Variants in PDZD2 observed in about 807,000 individuals in gnomAD.
The protein encoded by PDZD2 is PDZ domain containing 2.
In PDZD2, 90 loss-of-function variants were observed where a neutral mutation model predicts 220.7. That is an observed-to-expected ratio of 0.41 (90% confidence interval 0.34 to 0.49). PDZD2 has a LOEUF of 0.49. PDZD2 is among the 20% of genes least tolerant of loss of function. PDZD2 has a pLI of 0.28. For missense variants in PDZD2, 3,174 were observed against 3,608.5 expected, an observed-to-expected ratio of 0.88 and a Z score of 3.08; for synonymous variants, 1,375 against 1,450.5, an observed-to-expected ratio of 0.95 and a Z score of 1.18.
intron 1 of PDZD2, among the ~76,000 whole-genome samples, chr5:31,797,185 C>T (rs941257388): frequency 2.7e-5 from 4 of 148,492 alleles, no homozygotes; most frequent in Non-Finnish European, 5.9e-5. Context: ...CCTTGTGATC[C>T]GCCCGCCTCG....
intron 1 of PDZD2, among the ~76,000 whole-genome samples, chr5:31,744,823 C>G (rs541722903): frequency 6.6e-6 from 1 of 152,294 alleles, no homozygotes; most frequent in South Asian, 2.1e-4. Flanking sequence ...GTAATCCTAG[C>G]ACTTTGGGAA....
chr5:32,069,610 T>C lies in PDZD2; in HGVS notation c.2493T>C (p.Thr831=). ...TGGATGAAGTCATAGCACGCAGCACTTATCAGGAGAGCAAAGAGGCCAATT... is the reference window on the plus strand; with the variant it reads ...TGGATGAAGTCATAGCACGCAGCACCTATCAGGAGAGCAAAGAGGCCAATT... ...QEMDEVIARS[T]YQESKEANSS... Residue 831 remains threonine (T), a synonymous_variant, in exon 15 of 25, where the codon ACT becomes ACC. Coordinates refer to ENST00000438447, the MANE Select transcript of PDZD2 (RefSeq NM_178140.4). 1 of 1,600,256 alleles carries C rather than the reference T, an allele frequency of 6.2e-7. No homozygotes were observed. Among genetic ancestry groups the C allele is most frequent in the Non-Finnish European group, 8.6e-7 (1 of 1,167,244 alleles).
Position 31,756,243 on chromosome 5 carries a change from C to T in PDZD2, c.-360-42646C>T, listed in dbSNP as rs546155060. Among the ~76,000 whole-genome samples the T allele has an allele frequency of 8.5e-5, 13 of 152,242 alleles. No homozygotes were observed. The South Asian group carries it at 2.3e-3, about 27-fold the overall frequency. ...TCTAACATAAGAGATGCTTGAGATG[C>T]GGCCTGGAGTGAAGGTGGCTTAGAA... On this transcript the variant is annotated intron_variant, in intron 1 of 24. Transcript: ENST00000438447.
At chr5:31,811,742 C>T (rs569473405) in intron 2 of PDZD2, among the ~76,000 whole-genome samples, 1 of 152,216 alleles carries the variant, frequency 6.6e-6, no homozygotes, top group South Asian at 2.1e-4. Flanking sequence ...GTAATCTCAG[C>T]ACTTTTGGAG....
intron 2 of PDZD2, chr5:31,908,930 C>T (rs780013599): frequency 6.0e-4 from 207 of 345,476 alleles, no homozygotes; most frequent in Middle Eastern, 9.5e-4. Flanking sequence ...ACCTGTAATC[C>T]CAGCTACTTG....
chr5:32,088,591 G>A lies in PDZD2; in HGVS notation c.5143G>A (p.Ala1715Thr). 1 of 1,614,194 alleles carries A rather than the reference G, an allele frequency of 6.2e-7. No individual in the cohort carries two copies. Among genetic ancestry groups the A allele is most frequent in the Non-Finnish European group, 8.5e-7 (1 of 1,180,030 alleles). The change falls in exon 20 of 25, where the codon GCC (alanine) becomes ACC (threonine). Residue 1715 changes from alanine (A) to threonine (T), a missense_variant. By Grantham distance (58) the Ala-to-Thr change is moderately conservative. Around this residue, in one of 4 missense-constraint regions of PDZD2, gnomAD observed 1,861 missense variants for 2,001.0 expected, o/e 0.93. Transcript: ENST00000438447. The surrounding 1 kb of genome is among the most constrained non-coding windows in gnomAD (Gnocchi z 4.6). ...GGAAAACAGTCCGCTGTCTAAAGTA[G>A]CCAGGCATTTTCACAGTCCGCCCAT... ...AMENSPLSKV[A>T]RHFHSPPIIL... is the part of the protein sequence containing the mutation.
intron 6 of PDZD2, among the ~76,000 whole-genome samples, chr5:32,036,140 T>C (rs1204297671): frequency 6.6e-6 from 1 of 152,176 alleles, no homozygotes; most frequent in Non-Finnish European, 1.5e-5. Context: ...TTTGTATTTT[T>C]AGTAGAGACG....
intron 7 of PDZD2, among the ~76,000 whole-genome samples, chr5:32,039,905 G>A (rs1274094534): frequency 9.5e-4 from 93 of 98,062 alleles, no homozygotes; most frequent in African/African-American, 2.6e-3. Flanking sequence ...TCTGCCCGGC[G>A]GCCCCATCTG....
chr5:31,838,264 G>A (rs1490548475), intron 2 of PDZD2, among the ~76,000 whole-genome samples: 2 of 152,078 alleles, frequency 1.3e-5, no homozygotes, highest in African/African-American at 4.8e-5. Context: ...TGCCCTGTTG[G>A]CCAGGCTGGT....
chr5:31,702,465 C>T (rs1747647514), intron 1 of PDZD2, among the ~76,000 whole-genome samples: 1 of 152,180 alleles, frequency 6.6e-6, no homozygotes, highest in Non-Finnish European at 1.5e-5. Context: ...ATACAGTTCC[C>T]AAGGACATGC....
chr5:31,996,986 G>A (rs1372157354), intron 4 of PDZD2, among the ~76,000 whole-genome samples: 2 of 152,242 alleles, frequency 1.3e-5, no homozygotes, highest in Non-Finnish European at 2.9e-5. Flanking sequence ...TTTATTTTGA[G>A]TAAGAAGGAT....
intron 6 of PDZD2, among the ~76,000 whole-genome samples, chr5:32,015,793 G>A (rs958793740): frequency 6.9e-6 from 1 of 145,816 alleles, no homozygotes; most frequent in African/African-American, 2.6e-5. Flanking sequence ...GTATAATAGG[G>A]TGTGAAATGG....
rs376487942 is a variant in PDZD2 at position 31,878,593 on chromosome 5, G to C, written c.476+78869G>C. 3.2e-3 allele frequency among the ~76,000 whole-genome samples: 228 copies of C among 70,772 alleles called. 1 individual carries two copies. The highest frequency in any genetic ancestry group is 9.9e-3 in the African/African-American group (221 of 22,216). The allele number at this position is 70,772 out of a possible 152,430, so 46.4% of individuals were successfully genotyped here. Reference sequence around the variant, plus strand: ...TTTTTTTTTTTTGAGACGGAGTCTCGCTGTCGCCCAGGCTGGAGTGCAGTG... The same window carrying C: ...TTTTTTTTTTTTGAGACGGAGTCTCCCTGTCGCCCAGGCTGGAGTGCAGTG... On this transcript the variant is annotated intron_variant, in intron 2 of 24. Transcript: ENST00000438447.
At chr5:31,710,415 A>G (rs4867079) in intron 1 of PDZD2, among the ~76,000 whole-genome samples, 80,689 of 151,782 alleles carry the variant, frequency 0.53, 21,733 homozygotes, top group African/African-American at 0.62. Context: ...CATGCGGAAC[A>G]TGGATTTTGG....
intron 1 of PDZD2, among the ~76,000 whole-genome samples, chr5:31,774,149 G>A (rs1273919707): frequency 6.6e-6 from 1 of 152,136 alleles, no homozygotes; most frequent in Non-Finnish European, 1.5e-5. Context: ...AGCTGGGGCT[G>A]TGTCTTCCTG....
At chr5:31,989,551 T>C (rs2111923934) in intron 3 of PDZD2, among the ~76,000 whole-genome samples, 1 of 151,122 alleles carries the variant, frequency 6.6e-6, no homozygotes, top group Non-Finnish European at 1.5e-5. Flanking sequence ...GCCTCCCAAA[T>C]AGCTGGGACT....
chr5:31,924,019 C>G (rs896026087), intron 2 of PDZD2, among the ~76,000 whole-genome samples: 1 of 152,198 alleles, frequency 6.6e-6, no homozygotes, highest in Non-Finnish European at 1.5e-5. Flanking sequence ...GCCACATCGC[C>G]TTGAGTTTCT....
At chr5:31,865,852 C>T (rs1457297891) in intron 2 of PDZD2, among the ~76,000 whole-genome samples, 10 of 151,044 alleles carry the variant, frequency 6.6e-5, no homozygotes, top group East Asian at 1.9e-4. Context: ...AGGATGGTCT[C>T]GATCTCCTGA....
chr5:31,744,444 A>C (rs116652393), intron 1 of PDZD2: 2 of 152,122 alleles, frequency 1.3e-5, no homozygotes, highest in African/African-American at 2.4e-5. Context: ...GTCTTAATTC[A>C]CTTCCAAAAA....
Sources: gnomAD v4.1 joint callset for allele counts (sites outside exome capture counted in the v4.1 genomes callset) on GRCh38, gnomAD v4.1.1 for gene constraint, gnomAD v4.1.1 regional missense constraint, Gnocchi (gnomAD v3.1) non-coding constraint, MANE v1.5 for transcripts, NCBI Gene and HGNC (gene_info 2026-07-23, HGNC 2026-07-21) for gene names.